TNFRSF11A: variants seen among roughly 807,000 people sequenced by gnomAD.
TNFRSF11A encodes tumor necrosis factor receptor superfamily member 11A.
Under a neutral mutation model 55.7 loss-of-function variants are expected in TNFRSF11A, and 32 were observed. The ratio of observed to expected loss-of-function variants is 0.57; its 90% CI spans 0.43 to 0.77. The LOEUF (loss-of-function observed/expected upper bound fraction) is 0.77. Among genes scored for constraint, TNFRSF11A ranks in the 30% least tolerant of loss-of-function variants. TNFRSF11A has a pLI of 0.00. For synonymous variants in TNFRSF11A, 311 were observed against 331.0 expected, an observed-to-expected ratio of 0.94 and a Z score of 0.65; for missense variants, 753 against 809.8, an observed-to-expected ratio of 0.93 and a Z score of 0.85.
intron 1 of TNFRSF11A, among the ~76,000 whole-genome samples, chr18:62,341,323 C>T (rs758001298): frequency 1.3e-5 from 2 of 152,204 alleles, no homozygotes; most frequent in African/African-American, 2.4e-5. Context: ...TGCTTTTTAA[C>T]GCATGCATTT....
chr18:62,345,102 G>C (rs1179573530), intron 1 of TNFRSF11A, among the ~76,000 whole-genome samples: 1 of 152,220 alleles, frequency 6.6e-6, no homozygotes, highest in Non-Finnish European at 1.5e-5. Context: ...CAAGCATGGG[G>C]CTGCAGTGCA....
At chr18:62,330,017 A>G (rs1053721259) in intron 1 of TNFRSF11A, among the ~76,000 whole-genome samples, 2 of 152,226 alleles carry the variant, frequency 1.3e-5, no homozygotes, top group African/African-American at 4.8e-5. Flanking sequence ...GCTTTGGGTC[A>G]CTGCTTGCAG....
At chr18:62,362,385 GA>G (rs1180006878) in intron 7 of TNFRSF11A, among the ~76,000 whole-genome samples, 1 of 150,428 alleles carries the variant, frequency 6.6e-6, no homozygotes, top group Non-Finnish European at 1.5e-5. Flanking sequence ...AGCTACTTGA[GA>G]GGCTGAGGTA....
intron 1 of TNFRSF11A, chr18:62,330,893 T>C (rs1240630070): frequency 6.6e-6 from 1 of 152,236 alleles, no homozygotes; most frequent in African/African-American, 2.4e-5. Context: ...CCACTCCCAC[T>C]GCTTCACTTA....
At position 62,343,691 on chromosome 18, in the gene TNFRSF11A, A is replaced by G. The variant is rs140734171; in HGVS notation, c.76-4477A>G. Among the ~76,000 whole-genome samples, 1,254 of 152,348 alleles carry G rather than the reference A, an allele frequency of 8.2e-3. 19 individuals carry two copies. The highest frequency in any genetic ancestry group is 0.028 in the African/African-American group (1,179 of 41,582). ...GCCGTTAAGATAAACACCAGCCTGT[A>G]TGCCCTGAAACAAATGCGTAGAAGA... On this transcript the variant is annotated intron_variant, in intron 1 of 9. Coordinates refer to ENST00000586569, the MANE Select transcript of TNFRSF11A (RefSeq NM_003839.4).
intron 1 of TNFRSF11A, among the ~76,000 whole-genome samples, chr18:62,329,121 T>TG (rs2046114521): frequency 6.7e-6 from 1 of 149,624 alleles, no homozygotes; most frequent in South Asian, 2.1e-4. Context: ...TTGAAGTTCA[T>TG]GGAAAAAAAA....
At chr18:62,373,096 T>A (rs1910661339) in intron 9 of TNFRSF11A, 1 of 152,028 alleles carries the variant, frequency 6.6e-6, no homozygotes, top group Non-Finnish European at 1.5e-5. Context: ...AATCTTGGGG[T>A]CTTTCTCACC....
intron 1 of TNFRSF11A, among the ~76,000 whole-genome samples, chr18:62,332,642 A>G (rs540659188): frequency 6.6e-6 from 1 of 152,184 alleles, no homozygotes; most frequent in South Asian, 2.1e-4. Flanking sequence ...TTATTTTAAT[A>G]TTTCTATTGT....
rs12458117 is a variant in TNFRSF11A, at chr18:62,360,215, G to A, written c.616+166G>A. On this transcript the variant is annotated intron_variant, in intron 6 of 9. Coordinates refer to ENST00000586569, the MANE Select transcript of TNFRSF11A (RefSeq NM_003839.4). The stretch of plus-strand genomic sequence containing the variant: ...ATTCTCATCAGTATTTTAATTCCAG[G>A]TATGTTGTTTCCTTGATAATTTTCT... 0.12 allele frequency among the ~76,000 whole-genome samples: 18,139 copies of A among 152,030 alleles called. 1,346 individuals are homozygous for A. The highest frequency in any genetic ancestry group is 0.3 in the East Asian group (1,556 of 5,166).
chr18:62,339,905 T>A (rs1186952904), intron 1 of TNFRSF11A, among the ~76,000 whole-genome samples: 1 of 152,110 alleles, frequency 6.6e-6, no homozygotes, highest in African/African-American at 2.4e-5. Context: ...TATTTGTAAT[T>A]TTCAGTGAGA....
At chr18:62,349,660 T>G in intron 2 of TNFRSF11A, 152 bp from the exon 3 acceptor site, 1 of 872,636 alleles carries the variant, frequency 1.1e-6, no homozygotes, top group Non-Finnish European at 1.8e-6. Context: ...TCTTCTCCTG[T>G]GTCATATTGT....
intron 5 of TNFRSF11A, 85 bp downstream of exon 5, chr18:62,358,426 G>A (rs1056714055): frequency 2.1e-5 from 28 of 1,309,842 alleles, no homozygotes; most frequent in Middle Eastern, 1.9e-4. Flanking sequence ...GAAAACGGAC[G>A]GATTCTGTTG....
At chr18:62,327,985 G>T (rs184555551) in intron 1 of TNFRSF11A, among the ~76,000 whole-genome samples, 6 of 152,344 alleles carry the variant, frequency 3.9e-5, no homozygotes, top group Admixed American at 2.6e-4. Flanking sequence ...TTTCATTAAG[G>T]TAATGGATTG....
chr18:62,347,125 G>A (rs1368856927), intron 1 of TNFRSF11A, among the ~76,000 whole-genome samples: 2 of 152,168 alleles, frequency 1.3e-5, no homozygotes, highest in African/African-American at 2.4e-5. Context: ...CTGAGGTAGG[G>A]CCCATCTGGT....
chr18:62,341,701 T>A (rs11872145), intron 1 of TNFRSF11A, among the ~76,000 whole-genome samples: 2,565 of 152,332 alleles, frequency 0.017, 62 homozygotes, highest in African/African-American at 0.059. Flanking sequence ...AGAACCTTTG[T>A]GTTTGTGCAG....
intron 5 of TNFRSF11A, among the ~76,000 whole-genome samples, 181 bp from the exon 6 acceptor site, chr18:62,359,774 A>G (rs1188574769): frequency 6.6e-6 from 1 of 152,146 alleles, no homozygotes; most frequent in Non-Finnish European, 1.5e-5. Flanking sequence ...GCTTTTGTTT[A>G]TTTGTTTGTC....
In TNFRSF11A at chr18:62,354,446, G is replaced by C; in HGVS notation, c.339G>C (p.Ala113=). 6.3e-7 allele frequency: 1 copy of C among 1,599,874 alleles called. No individual in the cohort carries two copies. Among genetic ancestry groups the C allele is most frequent in the Non-Finnish European group, 8.5e-7 (1 of 1,178,678 alleles). Residue 113 remains alanine, a synonymous_variant, in exon 4 of 10, where the codon GCG becomes GCC. Coordinates refer to ENST00000586569, the MANE Select transcript of TNFRSF11A (RefSeq NM_003839.4). ...AGNSTTPRRC[A]CTAGYHWSQD... is the part of the protein sequence containing the mutation. Reference sequence around the variant, plus strand: ...ACAGCACGACCCCCCGGCGCTGCGCGTGCACGGCTGGGTACCACTGGAGCC... The same window carrying C: ...ACAGCACGACCCCCCGGCGCTGCGCCTGCACGGCTGGGTACCACTGGAGCC...
chr18:62,368,799 A>G lies in TNFRSF11A; in HGVS notation c.882A>G (p.Thr294=), dbSNP rs1305347505. The change falls in exon 9 of 10, where the codon ACA becomes ACG. Residue 294 remains threonine, a synonymous_variant. Coordinates refer to ENST00000586569, the MANE Select transcript of TNFRSF11A (RefSeq NM_003839.4). ...GVLLLTLEEK[T]FPEDMCYPDQ... The stretch of plus-strand genomic sequence containing the variant: ...TACTGCTGACTCTGGAGGAGAAGAC[A>G]TTTCCAGAAGATATGTGCTACCCAG... The G allele has an allele frequency of 3.7e-6, 6 of 1,614,120 alleles. No individual in the cohort carries two copies. In the South Asian group the frequency reaches 6.6e-5, roughly 18 times the overall value.
At chr18:62,341,605 A>G (rs2046310683) in intron 1 of TNFRSF11A, among the ~76,000 whole-genome samples, 1 of 152,140 alleles carries the variant, frequency 6.6e-6, no homozygotes, top group East Asian at 1.9e-4. Flanking sequence ...TTGGATACAG[A>G]CCACTGCAGT....
Sources: gnomAD v4.1 joint callset for allele counts (sites outside exome capture counted in the v4.1 genomes callset) on GRCh38, gnomAD v4.1.1 for gene constraint, MANE v1.5 for transcripts, NCBI Gene and HGNC (gene_info 2026-07-23, HGNC 2026-07-21) for gene names.